The following PLCL1 variants were observed in gnomAD, a reference collection of about 807,000 sequenced individuals.
PLCL1 encodes the protein inactive phospholipase C-like protein 1.
Under a neutral mutation model 84.4 loss-of-function variants are expected in PLCL1, and 41 were observed. The observed-to-expected ratio is 0.49, with a 90% CI of 0.38 to 0.63. The LOEUF (loss-of-function observed/expected upper bound fraction) is 0.63, where lower values mean the gene tolerates loss of function less well. PLCL1 is among the 30% of genes least tolerant of loss of function. The pLI, the probability that PLCL1 is intolerant of heterozygous loss-of-function variation, is 0.00. For missense variants in PLCL1, 1,206 were observed against 1,367.8 expected (o/e 0.88, Z 1.87); for synonymous variants, 490 against 488.3 (o/e 1.00, Z -0.05).
chr2:198,016,404 T>G (rs997004215), intron 1 of PLCL1, among the ~76,000 whole-genome samples: 6 of 152,194 alleles, frequency 3.9e-5, no homozygotes, highest in Non-Finnish European at 8.8e-5. Flanking sequence ...TCTCTTCAAG[T>G]CCCATGTGGC....
chr2:197,897,190 TCCTTC>T (rs770261379), intron 1 of PLCL1, among the ~76,000 whole-genome samples: 3,634 of 35,480 alleles, frequency 0.1, 267 homozygotes, highest in African/African-American at 0.11. Flanking sequence ...CTTCTTCTTC[TCCTTC>T]TCCTTCTTCT....
At chr2:198,011,220 C>CT (rs143192138) in intron 1 of PLCL1, among the ~76,000 whole-genome samples, 1 of 151,580 alleles carries the variant, frequency 6.6e-6, no homozygotes. Context: ...GATTTTAGAT[C>CT]TTTTTTCTTT....
intron 5 of PLCL1, among the ~76,000 whole-genome samples, chr2:198,109,718 A>G (rs1483136106): frequency 2.0e-5 from 3 of 151,888 alleles, no homozygotes; most frequent in Non-Finnish European, 4.4e-5. Flanking sequence ...AAGTACAAAA[A>G]GAACTGCATT....
intron 1 of PLCL1, among the ~76,000 whole-genome samples, chr2:198,028,921 TACAA>T (rs1300900143): frequency 6.6e-6 from 1 of 152,176 alleles, no homozygotes; most frequent in Non-Finnish European, 1.5e-5. Context: ...GAGAAGATAT[TACAA>T]ACAAATATAC....
chr2:197,864,390 A>G (rs1441308301), intron 1 of PLCL1, among the ~76,000 whole-genome samples: 1 of 146,832 alleles, frequency 6.8e-6, no homozygotes, highest in Non-Finnish European at 1.5e-5. Flanking sequence ...TTTATTTTTT[A>G]AGGGGTGAAC....
At chr2:197,826,001 G>A (rs746029696) in intron 1 of PLCL1, among the ~76,000 whole-genome samples, 4 of 152,026 alleles carry the variant, frequency 2.6e-5, no homozygotes, top group East Asian at 1.9e-4. Flanking sequence ...ATGAAAAGTC[G>A]GTAATTCACT....
At chr2:198,059,107 G>T (rs1385757060) in intron 1 of PLCL1, among the ~76,000 whole-genome samples, 1 of 152,076 alleles carries the variant, frequency 6.6e-6, no homozygotes, top group Non-Finnish European at 1.5e-5. Flanking sequence ...GCTCCTTCTG[G>T]ATAAGCAGGT....
In PLCL1 at chr2:197,997,064, G is replaced by A. The variant is rs919841812; in HGVS notation, c.241-86694G>A. On this transcript the variant is annotated intron_variant, in intron 1 of 5. Coordinates refer to ENST00000428675, the MANE Select transcript of PLCL1 (RefSeq NM_006226.4). ...CAGACTCAATTGTCAAACATTTTTA[G>A]TGTCGTTTTCCTGTGCTCACGGAAT... Among the ~76,000 whole-genome samples the A allele has an allele frequency of 5.9e-5, 9 of 152,206 alleles. 1 individual carries two copies. Among genetic ancestry groups the A allele is most frequent in the Admixed American group, 3.9e-4 (6 of 15,288 alleles).
intron 1 of PLCL1, among the ~76,000 whole-genome samples, chr2:197,965,125 A>G (rs1437447465): frequency 8.5e-5 from 13 of 152,164 alleles, no homozygotes; most frequent in Admixed American, 7.9e-4. Context: ...TAGTTTGAGT[A>G]GGAGTAGTAT....
At chr2:197,891,120 G>A (rs188825670) in intron 1 of PLCL1, among the ~76,000 whole-genome samples, 190 of 151,904 alleles carry the variant, frequency 1.3e-3, no homozygotes, top group African/African-American at 4.5e-3. Context: ...GGATGTGCTA[G>A]GTGTTGGAGA....
intron 1 of PLCL1, among the ~76,000 whole-genome samples, chr2:197,853,746 C>T (rs769470272): frequency 2.0e-5 from 3 of 152,068 alleles, no homozygotes; most frequent in Non-Finnish European, 4.4e-5. Context: ...GGAAGTTGTC[C>T]CTGTTTCTAC....
chr2:197,811,189 A>G (rs1466048921), intron 1 of PLCL1, among the ~76,000 whole-genome samples: 1 of 152,236 alleles, frequency 6.6e-6, no homozygotes, highest in African/African-American at 2.4e-5. Context: ...GTAATTAATG[A>G]TTATACTAAA....
chr2:198,063,908 T>C (rs765576250), intron 1 of PLCL1, among the ~76,000 whole-genome samples: 2 of 152,204 alleles, frequency 1.3e-5, no homozygotes, highest in Non-Finnish European at 2.9e-5. Context: ...CCTGGAGTAC[T>C]GGTTAAGAGC....
chr2:198,056,183 T>C (rs1383133778), intron 1 of PLCL1, among the ~76,000 whole-genome samples: 1 of 152,220 alleles, frequency 6.6e-6, no homozygotes, highest in Non-Finnish European at 1.5e-5. Flanking sequence ...TCATGTTGTT[T>C]ATCACACTAT....
At chr2:198,146,723 C>T in intron 5 of PLCL1, 57 bp from the exon 6 acceptor site, 12 of 1,428,766 alleles carry the variant, frequency 8.4e-6, no homozygotes, top group Non-Finnish European at 1.2e-5. Context: ...TGATGTCACT[C>T]AGCACATGCC....
chr2:197,818,573 T>C (rs1048938285), intron 1 of PLCL1, among the ~76,000 whole-genome samples: 5 of 152,256 alleles, frequency 3.3e-5, no homozygotes, highest in African/African-American at 1.2e-4. Flanking sequence ...CTCACTATAT[T>C]GCCCAGGTTG....
chr2:197,987,966 T>G (rs969517696), intron 1 of PLCL1, among the ~76,000 whole-genome samples: 7 of 152,166 alleles, frequency 4.6e-5, no homozygotes, highest in Admixed American at 4.6e-4. Context: ...AGACTGAGTT[T>G]CAGTTTTAGA....
chr2:198,114,546 T>A (rs1197791582), intron 5 of PLCL1, among the ~76,000 whole-genome samples: 2 of 151,886 alleles, frequency 1.3e-5, no homozygotes, highest in African/African-American at 4.8e-5. Flanking sequence ...AGTTTTAGCC[T>A]AAGGTGAGTT....
chr2:197,953,743 TCTC>T (rs1462473003), intron 1 of PLCL1, among the ~76,000 whole-genome samples: 1 of 152,042 alleles, frequency 6.6e-6, no homozygotes, highest in African/African-American at 2.4e-5. Context: ...ATATTGATAT[TCTC>T]CTACCAAACT....
Sources: gnomAD v4.1 joint callset for allele counts (sites outside exome capture counted in the v4.1 genomes callset) on GRCh38, gnomAD v4.1.1 for gene constraint, MANE v1.5 for transcripts, NCBI Gene and HGNC (gene_info 2026-07-23, HGNC 2026-07-21) for gene names.